ZNF668: variants seen among roughly 807,000 people sequenced by gnomAD.
The protein encoded by ZNF668 is zinc finger protein 668.
Under a neutral mutation model 40.3 loss-of-function variants are expected in ZNF668, and 10 were observed. That is an observed-to-expected ratio of 0.25 (90% CI 0.15 to 0.42). The LOEUF (loss-of-function observed/expected upper bound fraction) is 0.42. Ranked by LOEUF, ZNF668 falls within the 10% of genes least tolerant of loss-of-function variation. The pLI, the probability that ZNF668 is intolerant of heterozygous loss-of-function variation, is 1.00. For missense variants in ZNF668, 749 were observed against 904.6 expected (o/e 0.83, Z 2.21); for synonymous variants, 428 against 384.6 (o/e 1.11, Z -1.32).
intron 1 of ZNF668, 143 bp from the exon 2 acceptor site, chr16:31,064,624 G>A (rs771237800): frequency 2.0e-6 from 3 of 1,537,562 alleles, no homozygotes; most frequent in South Asian, 2.4e-5. Context: ...GACATCCTGC[G>A]TTCGTTTCCT....
At chr16:31,066,991 G>A (rs1264264809) in intron 1 of ZNF668, among the ~76,000 whole-genome samples, 1 of 152,086 alleles carries the variant, frequency 6.6e-6, no homozygotes, top group Non-Finnish European at 1.5e-5. Flanking sequence ...GACAAGGCGG[G>A]TGGATCCCTT....
intron 1 of ZNF668, among the ~76,000 whole-genome samples, chr16:31,068,239 A>T (rs867115430): frequency 4.6e-4 from 38 of 82,976 alleles, no homozygotes; most frequent in African/African-American, 1.5e-3. Flanking sequence ...AAAAAAAAAA[A>T]ATATATATAT....
intron 2 of ZNF668, 25 bp downstream of exon 2, chr16:31,063,788 G>C: frequency 6.6e-7 from 1 of 1,523,146 alleles, no homozygotes; most frequent in Non-Finnish European, 8.8e-7. Flanking sequence ...CCCGGAAGGC[G>C]CCCTGCCCCG....
chr16:31,069,984 C>T (rs897806481), intron 1 of ZNF668, among the ~76,000 whole-genome samples: 2 of 152,134 alleles, frequency 1.3e-5, no homozygotes, highest in Non-Finnish European at 2.9e-5. Flanking sequence ...CTGTGTTAGC[C>T]AGGATGGTCT....
At chr16:31,066,482 A>G in intron 1 of ZNF668, 1 of 572,270 alleles carries the variant, frequency 1.7e-6, no homozygotes, top group Non-Finnish European at 2.2e-6. Context: ...CTGTGAACCC[A>G]GGGGTTCGAG....
At chr16:31,063,580 C>T (rs1164675466) in intron 2 of ZNF668, among the ~76,000 whole-genome samples, 4 of 152,212 alleles carry the variant, frequency 2.6e-5, no homozygotes, top group Non-Finnish European at 5.9e-5. Flanking sequence ...TGGCCTACAA[C>T]GGAGGCCAAT....
intron 1 of ZNF668, among the ~76,000 whole-genome samples, chr16:31,065,760 A>C (rs2056976924): frequency 6.6e-6 from 1 of 151,912 alleles, no homozygotes; most frequent in East Asian, 1.9e-4. Context: ...AGGCTGAGGC[A>C]GGAGAATGGT....
chr16:31,062,581 G>A (rs910998559), intron 2 of ZNF668: 3 of 315,280 alleles, frequency 9.5e-6, no homozygotes, highest in Non-Finnish European at 1.8e-5. Context: ...CGGCTAACAC[G>A]GTGAAACCCC....
chr16:31,061,622 C>T lies in ZNF668; in HGVS notation c.1306G>A (p.Val436Met), dbSNP rs747372039. The change falls in exon 3 of 3, where the codon GTG (valine) becomes ATG (methionine). Residue 436 changes from valine to methionine, a missense_variant. Transcript: ENST00000300849. This position sits in a 1 kb window ranked among gnomAD's most constrained non-coding sequence, Gnocchi z 7.7. ...QELVVGLALP[V>M]GVAGESSAAP... Reference sequence around the variant, plus strand: ...GCTGAACTCTCACCTGCCACGCCCACAGGCAGCGCCAACCCCACCACCAGC... The same window carrying T: ...GCTGAACTCTCACCTGCCACGCCCATAGGCAGCGCCAACCCCACCACCAGC... 1.2e-6 allele frequency: 2 copies of T among 1,611,278 alleles called. No homozygotes were observed. Among genetic ancestry groups the T allele is most frequent in the African/African-American group, 2.7e-5 (2 of 75,062 alleles).
At position 31,061,684 on chromosome 16, in the gene ZNF668, C is replaced by T. The variant is rs1195374886; in HGVS notation, c.1244G>A (p.Arg415Gln). 2.5e-6 allele frequency: 4 copies of T among 1,613,568 alleles called. No homozygotes were observed. The highest frequency in any genetic ancestry group is 2.7e-5 in the African/African-American group (2 of 75,048). Residue 415 changes from arginine (R) to glutamine (Q), a missense_variant, in exon 3 of 3, where the codon CGA (arginine) becomes CAA (glutamine). Arg to Gln is a conservative substitution (Grantham distance 43). Transcript: ENST00000300849. The surrounding 1 kb of genome is among the most constrained non-coding windows in gnomAD (Gnocchi z 7.7). ...GGGCACACCCGCGGCCTCACTGCTT[C>T]GATGGGTCCGCTCGTGCTTCCTCAG... ...SSLRKHERTH[R>Q]SSEAAGVPPA...
intron 1 of ZNF668, among the ~76,000 whole-genome samples, chr16:31,070,233 A>T (rs897083191): frequency 2.0e-5 from 3 of 150,584 alleles, no homozygotes; most frequent in African/African-American, 7.3e-5. Context: ...TTTGAGACGG[A>T]GTCTTACTCT....
chr16:31,061,201 T>G lies in ZNF668; in HGVS notation c.1727A>C (p.His576Pro). 1 of 1,521,694 alleles carries G rather than the reference T, an allele frequency of 6.6e-7. No homozygotes were observed. Among genetic ancestry groups the G allele is most frequent in the Non-Finnish European group, 8.8e-7 (1 of 1,136,452 alleles). The allele number at this position is 1,521,694 out of a possible 1,614,324, so 94.3% of individuals were successfully genotyped here. A position where few individuals can be genotyped will look rare whatever the true frequency, so the allele number is the denominator to read the frequency against. ...HSSVRPYTCP[H>P]CPKAFLSASD... ...GGCACTCAAGAAGGCCTTGGGACAATGGGGGCAGGTGTAGGGGCGCACTGA... is the reference window on the plus strand; with the variant it reads ...GGCACTCAAGAAGGCCTTGGGACAAGGGGGGCAGGTGTAGGGGCGCACTGA... Residue 576 changes from histidine to proline, a missense_variant, in exon 3 of 3, where the codon CAT becomes CCT. Around this residue, in one of 4 missense-constraint regions of ZNF668, gnomAD observed 310 missense variants for 355.1 expected, o/e 0.87. Transcript: ENST00000300849. The surrounding 1 kb of genome is among the most constrained non-coding windows in gnomAD (Gnocchi z 7.7).
chr16:31,064,572 C>T (rs749863310), intron 1 of ZNF668, 91 bp from the exon 2 acceptor site: 1 of 1,570,518 alleles, frequency 6.4e-7, no homozygotes, highest in Non-Finnish European at 8.6e-7. Flanking sequence ...CATTTCTCAC[C>T]TCGGAACCCA....
chr16:31,062,349 C>A lies in ZNF668; in HGVS notation c.648-69G>T, dbSNP rs1477871128. The A allele has an allele frequency of 3.3e-6, 5 of 1,517,250 alleles. No homozygotes were observed. In the South Asian group the frequency reaches 6.5e-5, roughly 20 times the overall value. 94.0% of individuals were successfully genotyped at this position (1,517,250 alleles called of 1,614,324 possible). A position where few individuals can be genotyped will look rare whatever the true frequency, so the allele number is the denominator to read the frequency against. ...AACGTGACCCCACTGCCTGTCTGGGCTGTACTTTAGGGGCTCCCCAAACGT... is the reference window on the plus strand; with the variant it reads ...AACGTGACCCCACTGCCTGTCTGGGATGTACTTTAGGGGCTCCCCAAACGT... On this transcript the variant is annotated intron_variant, in intron 2 of 2. Coordinates refer to ENST00000300849, the MANE Select transcript of ZNF668 (RefSeq NM_024706.5).
chr16:31,069,975 T>C (rs1241440672), intron 1 of ZNF668, among the ~76,000 whole-genome samples: 10 of 151,958 alleles, frequency 6.6e-5, no homozygotes. Flanking sequence ...AGGGTCTCAC[T>C]GTGTTAGCCA....
intron 1 of ZNF668, chr16:31,066,038 C>A (rs1324770815): frequency 3.0e-6 from 3 of 985,228 alleles, no homozygotes; most frequent in Non-Finnish European, 3.6e-6. Context: ...ACCTGGTTGA[C>A]CCAGGGAGGA....
Position 31,061,003 on chromosome 16 carries a change from G to A in ZNF668, c.*65C>T. 1.4e-6 allele frequency: 2 copies of A among 1,410,860 alleles called. No homozygotes were observed. The highest frequency in any genetic ancestry group is 1.9e-6 in the Non-Finnish European group (2 of 1,078,358). The allele number at this position is 1,410,860 out of a possible 1,614,324, so 87.4% of individuals were successfully genotyped here. On this transcript the variant is annotated 3_prime_UTR_variant, in exon 3 of 3. Transcript: ENST00000300849. The surrounding 1 kb of genome is among the most constrained non-coding windows in gnomAD (Gnocchi z 7.7). ...GTCTAAAGAGCAGAGCCAGGCAAAAGGAGGTACAGGAAGCCCCCGATGGGG... is the reference window on the plus strand; with the variant it reads ...GTCTAAAGAGCAGAGCCAGGCAAAAAGAGGTACAGGAAGCCCCCGATGGGG...
intron 1 of ZNF668, among the ~76,000 whole-genome samples, chr16:31,066,512 G>A (rs1308384817): frequency 1.3e-5 from 2 of 152,272 alleles, no homozygotes; most frequent in South Asian, 2.1e-4. Flanking sequence ...AACTATGATC[G>A]TACCACTGCG....
At chr16:31,062,378 TG>T (rs1436863438) in intron 2 of ZNF668, 98 bp from the exon 3 acceptor site, 2 of 1,470,678 alleles carry the variant, frequency 1.4e-6, no homozygotes, top group African/African-American at 2.8e-5. Flanking sequence ...CAAACGTTCG[TG>T]GGGGCCTAGG....
Sources: allele counts gnomAD v4.1 joint callset (sites outside exome capture counted in the v4.1 genomes callset), GRCh38; gene constraint gnomAD v4.1.1; regional missense constraint gnomAD v4.1.1; non-coding constraint Gnocchi (gnomAD v3.1); transcripts MANE v1.5; gene names NCBI Gene and HGNC (gene_info 2026-07-23, HGNC 2026-07-21).